Variants in TNFRSF10A observed in about 807,000 individuals in gnomAD.
TNFRSF10A encodes TNF receptor superfamily member 10a, also known as tumor necrosis factor receptor superfamily member 10A.
TNFRSF10A carries 44 observed loss-of-function variants against 42.8 expected under a neutral mutation model. That is an observed-to-expected ratio of 1.03 (90% confidence interval 0.81 to 1.32). TNFRSF10A has a LOEUF of 1.32. Ranked by LOEUF, TNFRSF10A falls within the 40% of genes most tolerant of loss-of-function variation. The probability of loss-of-function intolerance (pLI) is 0.00; values close to 1 mark genes in which losing one functional copy is unlikely to be tolerated. For missense variants in TNFRSF10A, 680 were observed against 602.0 expected (o/e 1.13, Z -1.36); for synonymous variants, 259 against 234.2 (o/e 1.11, Z -0.97).
At position 23,218,922 on chromosome 8, in the gene TNFRSF10A, G is replaced by A. The variant is rs551952214; in HGVS notation, c.306+5834C>T. On this transcript the variant is annotated intron_variant, in intron 1 of 9. Coordinates refer to ENST00000221132, the MANE Select transcript of TNFRSF10A (RefSeq NM_003844.4). ...GTGCTAAGAACAGAGCTTGGCACACGCAAGTACTGTATTTCAGCACATGCT... is the reference window on the plus strand; with the variant it reads ...GTGCTAAGAACAGAGCTTGGCACACACAAGTACTGTATTTCAGCACATGCT... Among the ~76,000 whole-genome samples, 29 of 152,328 alleles carry A rather than the reference G, an allele frequency of 1.9e-4. No individual in the cohort carries two copies. The South Asian group carries it at 2.7e-3, about 14-fold the overall frequency.
chr8:23,213,732 C>G (rs1049615092), intron 1 of TNFRSF10A, among the ~76,000 whole-genome samples: 1 of 152,128 alleles, frequency 6.6e-6, no homozygotes, highest in Non-Finnish European at 1.5e-5. Context: ...GCGTGAGCCA[C>G]CACGCCCAGC....
At position 23,222,096 on chromosome 8, in the gene TNFRSF10A, C is replaced by T. The variant is rs550020571; in HGVS notation, c.306+2660G>A. On this transcript the variant is annotated intron_variant, in intron 1 of 9. Transcript: ENST00000221132. ...GTTTCACCGTGTTAGCCAGGATGGT[C>T]TGGATCTCCTGACCTCGTGATCCAC... Among the ~76,000 whole-genome samples the T allele has an allele frequency of 2.0e-5, 3 of 152,260 alleles. No individual in the cohort carries two copies. The East Asian group carries it at 5.8e-4, about 29-fold the overall frequency.
intron 8 of TNFRSF10A, among the ~76,000 whole-genome samples, chr8:23,198,088 A>G (rs1800849738): frequency 6.6e-6 from 1 of 152,048 alleles, no homozygotes; most frequent in South Asian, 2.1e-4. Context: ...TGAATGGAAC[A>G]GTCTAGGTGG....
chr8:23,196,081 A>C (rs1241478730), intron 9 of TNFRSF10A, among the ~76,000 whole-genome samples: 1 of 152,186 alleles, frequency 6.6e-6, no homozygotes, highest in Non-Finnish European at 1.5e-5. Context: ...CAGGCCTCTC[A>C]AAGTATCAAA....
chr8:23,199,164 TC>T, intron 8 of TNFRSF10A, 101 bp downstream of exon 8: 1 of 1,431,892 alleles, frequency 7.0e-7, no homozygotes, highest in Admixed American at 2.0e-5. Context: ...TCCCCTGCAG[TC>T]CCATCTCCCT....
chr8:23,197,323 A>G lies in TNFRSF10A; in HGVS notation c.1015-119T>C, dbSNP rs1800838506. 2.4e-6 allele frequency: 3 copies of G among 1,230,262 alleles called. No homozygotes were observed. In the East Asian group the frequency reaches 7.1e-5, roughly 29 times the overall value. The allele number at this position is 1,230,262 out of a possible 1,614,324, so 76.2% of individuals were successfully genotyped here. ...ACATCACTTTCCCCCTTGGGTCACC[A>G]TGGAGATGGTGAAAAACCTCTGGTC... On this transcript the variant is annotated intron_variant, in intron 8 of 9. Transcript: ENST00000221132.
In TNFRSF10A at chr8:23,197,310, C is replaced by T; in HGVS notation, c.1015-106G>A. 2.2e-6 allele frequency: 3 copies of T among 1,350,600 alleles called. No individual in the cohort carries two copies. In the South Asian group the frequency reaches 3.5e-5, roughly 16 times the overall value. 83.7% of individuals were successfully genotyped at this position (1,350,600 alleles called of 1,614,324 possible). The stretch of plus-strand genomic sequence containing the variant: ...GGAAACCTGCAGCACATCACTTTCC[C>T]CCTTGGGTCACCATGGAGATGGTGA... On this transcript the variant is annotated intron_variant, in intron 8 of 9. Coordinates refer to ENST00000221132, the MANE Select transcript of TNFRSF10A (RefSeq NM_003844.4).
chr8:23,202,796 CCA>C (rs778095600), intron 2 of TNFRSF10A, 35 bp from the exon 3 acceptor site: 1 of 1,457,382 alleles, frequency 6.9e-7, no homozygotes, highest in Non-Finnish European at 9.6e-7. Flanking sequence ...GAATGAATTG[CCA>C]CAGAGTTCCC....
chr8:23,219,212 C>G (rs908130495), intron 1 of TNFRSF10A, among the ~76,000 whole-genome samples: 1 of 152,046 alleles, frequency 6.6e-6, no homozygotes, highest in Admixed American at 6.6e-5. Context: ...CATTTGTCCT[C>G]CCACCACCAC....
chr8:23,199,999 T>G (rs2128847571), intron 6 of TNFRSF10A, 82 bp from the exon 7 acceptor site: 21 of 1,381,834 alleles, frequency 1.5e-5, no homozygotes, highest in Non-Finnish European at 2.1e-5. Context: ...TGGGCAGGGG[T>G]GGGCTGGGGG....
intron 1 of TNFRSF10A, among the ~76,000 whole-genome samples, chr8:23,215,464 C>T (rs1489566983): frequency 6.6e-6 from 1 of 152,132 alleles, no homozygotes; most frequent in Non-Finnish European, 1.5e-5. Context: ...GCTGAGATTG[C>T]ACCACTGCAC....
intron 2 of TNFRSF10A, among the ~76,000 whole-genome samples, chr8:23,204,209 C>T (rs1281949947): frequency 6.6e-6 from 1 of 152,136 alleles, no homozygotes; most frequent in Admixed American, 6.6e-5. Context: ...TTATGCTCTC[C>T]CTATAAGGAA....
At chr8:23,199,857 GC>G (rs1316872727) in intron 7 of TNFRSF10A, 28 bp downstream of exon 7, 3 of 1,614,016 alleles carry the variant, frequency 1.9e-6, no homozygotes, top group East Asian at 4.5e-5. Flanking sequence ...AGCCCCTGAT[GC>G]CCCCAGCTCC....
chr8:23,194,293 A>G (rs998147087), intron 9 of TNFRSF10A, among the ~76,000 whole-genome samples: 2 of 152,252 alleles, frequency 1.3e-5, no homozygotes, highest in Admixed American at 1.3e-4. Flanking sequence ...AAGAGTACTC[A>G]TAAATAAAGT....
chr8:23,200,649 C>G, intron 5 of TNFRSF10A, 38 bp downstream of exon 5: 2 of 1,614,056 alleles, frequency 1.2e-6, no homozygotes, highest in South Asian at 1.1e-5. Context: ...TGGTCCCTGT[C>G]TCCTCTGCAG....
At position 23,199,337 on chromosome 8, in the gene TNFRSF10A, T is replaced by A. The variant is rs779466374; in HGVS notation, c.943A>T (p.Met315Leu). The change falls in exon 8 of 10, where the codon ATG becomes TTG. Residue 315 changes from methionine (M) to leucine (L), a missense_variant. Physicochemically the swap from Met to Leu is conservative, Grantham distance 15. Transcript: ENST00000221132. ...SLSTFVSEQQMESQEPADLTG... is the reference protein window; with the variant it reads ...SLSTFVSEQQLESQEPADLTG... Reference sequence around the variant, plus strand: ...AAATCTGCCGGCTCCTGGCTTTCCATTTGCTGCTCAGAGACGAAAGTGGAC... The same window carrying A: ...AAATCTGCCGGCTCCTGGCTTTCCAATTGCTGCTCAGAGACGAAAGTGGAC... 1.2e-6 allele frequency: 2 copies of A among 1,614,182 alleles called. No homozygotes were observed. The highest frequency in any genetic ancestry group is 1.7e-6 in the Non-Finnish European group (2 of 1,180,014).
chr8:23,197,603 G>A (rs1563377594), intron 8 of TNFRSF10A, among the ~76,000 whole-genome samples: 1 of 152,098 alleles, frequency 6.6e-6, no homozygotes, highest in Non-Finnish European at 1.5e-5. Flanking sequence ...ATTATGATAA[G>A]TTGTATAATT....
chr8:23,200,713 T>C lies in TNFRSF10A; in HGVS notation c.677A>G (p.Asp226Gly), dbSNP rs890318367. 6.7e-7 allele frequency: 1 copy of C among 1,492,342 alleles called. No homozygotes were observed. Among genetic ancestry groups the C allele is most frequent in the Non-Finnish European group, 9.0e-7 (1 of 1,105,476 alleles). 92.4% of individuals were successfully genotyped at this position (1,492,342 alleles called of 1,614,324 possible). A position where few individuals can be genotyped will look rare whatever the true frequency, so the allele number is the denominator to read the frequency against. ...VKVKDCTPWS[D>G]IECVHKESGN... ...TGATTCTTTGTGGACACACTCGATGTCACTCCAGGGCGTACAATCCTTGAC... is the reference window on the plus strand; with the variant it reads ...TGATTCTTTGTGGACACACTCGATGCCACTCCAGGGCGTACAATCCTTGAC... Residue 226 changes from aspartate (D) to glycine (G), a missense_variant, in exon 5 of 10, where the codon GAC becomes GGC. Coordinates refer to ENST00000221132, the MANE Select transcript of TNFRSF10A (RefSeq NM_003844.4).
rs1377678840 is a variant in TNFRSF10A at position 23,191,466 on chromosome 8, T to C, written c.*228A>G. ...TGCACACACCATCACATCCAGTTAA[T>C]TTTTGTATTTTTTTGTAAAGACGGC... On this transcript the variant is annotated 3_prime_UTR_variant, in exon 10 of 10. Coordinates refer to ENST00000221132, the MANE Select transcript of TNFRSF10A (RefSeq NM_003844.4). 4.1e-5 allele frequency: 25 copies of C among 617,140 alleles called. No homozygotes were observed. The highest frequency in any genetic ancestry group is 6.3e-5 in the Non-Finnish European group (23 of 363,366). 38.2% of individuals were successfully genotyped at this position (617,140 alleles called of 1,614,324 possible). A position where few individuals can be genotyped will look rare whatever the true frequency, so the allele number is the denominator to read the frequency against.
Sources: gnomAD v4.1 joint callset for allele counts (sites outside exome capture counted in the v4.1 genomes callset) on GRCh38, gnomAD v4.1.1 for gene constraint, MANE v1.5 for transcripts, NCBI Gene and HGNC (gene_info 2026-07-23, HGNC 2026-07-21) for gene names.